VDAC1: variants seen among roughly 807,000 people sequenced by gnomAD.
The protein encoded by VDAC1 is non-selective voltage-gated ion channel VDAC1.
A neutral mutation model predicts 34.7 loss-of-function variants in VDAC1; 10 were observed. That is an observed-to-expected ratio of 0.29 (90% confidence interval 0.18 to 0.49). The LOEUF (loss-of-function observed/expected upper bound fraction) is 0.49. VDAC1 is among the 20% of genes least tolerant of loss of function. The pLI is 0.99. For missense variants in VDAC1, 230 were observed against 347.9 expected (o/e 0.66, Z 2.69); for synonymous variants, 130 against 136.0 (o/e 0.96, Z 0.30).
the VDAC1 span, among the ~76,000 whole-genome samples, chr5:134,046,004 T>A: frequency 2.2e-5 from 3 of 133,550 alleles, no homozygotes; most frequent in Admixed American, 7.9e-5. Context: ...TTTTTTTTTT[T>A]CCATTTTTAT....
chr5:134,051,154 G>C, the VDAC1 span, among the ~76,000 whole-genome samples: 1 of 152,232 alleles, frequency 6.6e-6, no homozygotes, highest in African/African-American at 2.4e-5. Context: ...GCCAACAGCT[G>C]TCTGGACTGT....
chr5:134,003,396 C>T (rs1753635029), intron 1 of VDAC1, among the ~76,000 whole-genome samples: 1 of 152,170 alleles, frequency 6.6e-6, no homozygotes, highest in Non-Finnish European at 1.5e-5. Context: ...GGGACAGGGA[C>T]CCCGGGCGGA....
the VDAC1 span, among the ~76,000 whole-genome samples, chr5:134,113,567 G>T: frequency 6.6e-6 from 1 of 152,228 alleles, no homozygotes; most frequent in Non-Finnish European, 1.5e-5. Context: ...TCTCAGAAGA[G>T]GCGTGAGCGT....
the VDAC1 span, among the ~76,000 whole-genome samples, chr5:134,095,063 A>G: frequency 2.1e-4 from 15 of 72,824 alleles, no homozygotes; most frequent in East Asian, 6.0e-3. Context: ...ATGCCAATAG[A>G]CGTGCCATGT....
the VDAC1 span, among the ~76,000 whole-genome samples, chr5:134,012,424 A>G: frequency 6.6e-6 from 1 of 152,240 alleles, no homozygotes; most frequent in Non-Finnish European, 1.5e-5. Context: ...GAATGGGGCT[A>G]TAGTATGAAT....
At chr5:134,004,766 G>A (rs1277157919) in intron 1 of VDAC1, 129 bp downstream of exon 1, 1 of 149,550 alleles carries the variant, frequency 6.7e-6, no homozygotes, top group Admixed American at 6.6e-5. Context: ...GGGCGGCGCG[G>A]ACGGCGGCGG....
At chr5:134,059,803 A>G in the VDAC1 span, among the ~76,000 whole-genome samples, 1 of 151,834 alleles carries the variant, frequency 6.6e-6, no homozygotes. Flanking sequence ...CTTAAATGCT[A>G]CCCAAATTTG....
the VDAC1 span, among the ~76,000 whole-genome samples, chr5:134,066,511 C>G: frequency 2.0e-5 from 3 of 152,094 alleles, no homozygotes; most frequent in Non-Finnish European, 2.9e-5. Flanking sequence ...TAATTTATAC[C>G]TGCTACATGT....
chr5:133,995,179 A>T (rs957516848), intron 1 of VDAC1, among the ~76,000 whole-genome samples: 1 of 152,236 alleles, frequency 6.6e-6, no homozygotes, highest in African/African-American at 2.4e-5. Context: ...CAAGGCACTC[A>T]GAGAGCAGAG....
At chr5:133,989,355 A>G (rs1580720721) in intron 5 of VDAC1, 1 of 149,002 alleles carries the variant, frequency 6.7e-6, no homozygotes. Flanking sequence ...TGTATATCTT[A>G]CCACAATTTT....
the VDAC1 span, among the ~76,000 whole-genome samples, chr5:134,105,086 C>T: frequency 6.6e-6 from 1 of 152,218 alleles, no homozygotes; most frequent in Non-Finnish European, 1.5e-5. Context: ...GCCCTGGTAC[C>T]CAGCAGAGGC....
chr5:134,072,750 A>C, the VDAC1 span, among the ~76,000 whole-genome samples: 13 of 152,188 alleles, frequency 8.5e-5, no homozygotes, highest in African/African-American at 3.1e-4. Flanking sequence ...GGTTCCTCCT[A>C]CCTCTGCCCC....
At chr5:134,107,994 AG>A in the VDAC1 span, among the ~76,000 whole-genome samples, 1 of 152,212 alleles carries the variant, frequency 6.6e-6, no homozygotes, top group African/African-American at 2.4e-5. Context: ...AAGACACAGT[AG>A]CAGAGGGACA....
chr5:134,067,224 T>C, the VDAC1 span, among the ~76,000 whole-genome samples: 174 of 151,844 alleles, frequency 1.1e-3, no homozygotes, highest in African/African-American at 4.1e-3. Flanking sequence ...TACAGGCATA[T>C]GCCACCATGC....
the VDAC1 span, among the ~76,000 whole-genome samples, chr5:134,069,215 C>T: frequency 6.6e-6 from 1 of 152,090 alleles, no homozygotes; most frequent in Admixed American, 6.5e-5. Context: ...AAAGGATCAC[C>T]AGAGCTGACT....
At chr5:134,000,200 T>C (rs1444575187) in intron 1 of VDAC1, among the ~76,000 whole-genome samples, 1 of 152,218 alleles carries the variant, frequency 6.6e-6, no homozygotes, top group East Asian at 1.9e-4. Context: ...AGCTCCAGGA[T>C]GCTGGCAAAG....
At chr5:133,999,431 T>C (rs1753454051) in intron 1 of VDAC1, among the ~76,000 whole-genome samples, 1 of 152,206 alleles carries the variant, frequency 6.6e-6, no homozygotes, top group African/African-American at 2.4e-5. Flanking sequence ...GGATACTCTG[T>C]CTGCCCCTCC....
the VDAC1 span, among the ~76,000 whole-genome samples, chr5:134,030,766 T>A: frequency 6.6e-6 from 1 of 152,000 alleles, no homozygotes; most frequent in African/African-American, 2.4e-5. Context: ...TGCCACCACA[T>A]CTGGCTAATT....
At chr5:134,051,316 C>T in the VDAC1 span, among the ~76,000 whole-genome samples, 2 of 152,238 alleles carry the variant, frequency 1.3e-5, no homozygotes, top group African/African-American at 2.4e-5. Context: ...CTGGCAGCAC[C>T]CACAGTGGGC....
Sources: allele counts gnomAD v4.1 joint callset (sites outside exome capture counted in the v4.1 genomes callset), GRCh38; gene constraint gnomAD v4.1.1; transcripts MANE v1.5; gene names NCBI Gene and HGNC (gene_info 2026-07-23, HGNC 2026-07-21).